CDK14: variants seen among roughly 807,000 people sequenced by gnomAD.
CDK14 encodes cyclin dependent kinase 14, also known as cyclin-dependent kinase 14.
A neutral mutation model predicts 60.7 loss-of-function variants in CDK14; 34 were observed. The ratio of observed to expected loss-of-function variants is 0.56; its 90% confidence interval spans 0.43 to 0.75. The LOEUF (loss-of-function observed/expected upper bound fraction) is 0.75, where lower values mean the gene tolerates loss of function less well. Among genes scored for constraint, CDK14 ranks in the 30% least tolerant of loss-of-function variants. The pLI, the probability that CDK14 is intolerant of heterozygous loss-of-function variation, is 0.00. For missense variants in CDK14, 482 were observed against 564.1 expected (o/e 0.85, Z 1.47); for synonymous variants, 197 against 203.7 (o/e 0.97, Z 0.28).
intron 5 of CDK14, among the ~76,000 whole-genome samples, chr7:90,859,338 A>T (rs1436443358): frequency 1.2e-4 from 18 of 152,224 alleles, no homozygotes; most frequent in Admixed American, 1.2e-3. Flanking sequence ...TAGCAGTAAC[A>T]ATAGTTCTGA....
At chr7:90,629,004 A>G (rs959638576) in intron 2 of CDK14, among the ~76,000 whole-genome samples, 3 of 152,110 alleles carry the variant, frequency 2.0e-5, no homozygotes, top group Non-Finnish European at 4.4e-5. Context: ...GCTGTCTTAT[A>G]CCAGCCTGCA....
chr7:90,769,498 A>T (rs1250871738), intron 4 of CDK14, among the ~76,000 whole-genome samples: 5 of 140,850 alleles, frequency 3.5e-5, no homozygotes. Context: ...CTGAGCCCTC[A>T]TTCTGTCACG....
At chr7:91,038,238 G>A (rs905007889) in intron 10 of CDK14, among the ~76,000 whole-genome samples, 8 of 152,194 alleles carry the variant, frequency 5.3e-5, no homozygotes, top group African/African-American at 1.9e-4. Context: ...AGTTTAACAT[G>A]ACTTTTTATT....
chr7:90,727,703 T>C (rs1049066395), intron 3 of CDK14, among the ~76,000 whole-genome samples: 2 of 152,134 alleles, frequency 1.3e-5, no homozygotes, highest in African/African-American at 4.8e-5. Context: ...TGCAACTATA[T>C]GACAAAACTG....
chr7:90,697,858 G>A (rs1473916673), intron 2 of CDK14, among the ~76,000 whole-genome samples: 3 of 151,916 alleles, frequency 2.0e-5, no homozygotes, highest in African/African-American at 7.3e-5. Context: ...CACGAGGTCA[G>A]GAGATCCAGA....
At chr7:90,977,921 C>A (rs541714388) in intron 9 of CDK14, among the ~76,000 whole-genome samples, 69 of 152,174 alleles carry the variant, frequency 4.5e-4, no homozygotes, top group Admixed American at 3.8e-3. Context: ...AGACACACCC[C>A]CAAAAGCCAA....
chr7:91,068,296 A>T (rs942801646), intron 11 of CDK14, among the ~76,000 whole-genome samples: 7 of 152,194 alleles, frequency 4.6e-5, no homozygotes, highest in Non-Finnish European at 8.8e-5. Context: ...GGATGTTTGT[A>T]ATCGGGGCTG....
intron 14 of CDK14, among the ~76,000 whole-genome samples, chr7:91,133,670 T>C (rs548538039): frequency 3.9e-5 from 6 of 152,248 alleles, no homozygotes; most frequent in Non-Finnish European, 7.4e-5. Flanking sequence ...GCTGTGTCCT[T>C]ACTTTAACAG....
chr7:91,052,693 A>C (rs1476586092), intron 11 of CDK14, among the ~76,000 whole-genome samples: 1 of 152,230 alleles, frequency 6.6e-6, no homozygotes, highest in Non-Finnish European at 1.5e-5. Context: ...GAAGCAATTA[A>C]AAGTGATGAA....
At chr7:91,146,667 A>C (rs978537614) in intron 14 of CDK14, among the ~76,000 whole-genome samples, 1 of 152,214 alleles carries the variant, frequency 6.6e-6, no homozygotes. Flanking sequence ...AGTTAAAATC[A>C]GATCCAGTTA....
chr7:90,605,612 G>T (rs552838399), intron 2 of CDK14, among the ~76,000 whole-genome samples: 1 of 152,166 alleles, frequency 6.6e-6, no homozygotes, highest in Admixed American at 6.5e-5. Flanking sequence ...TGTAAAGAAA[G>T]TTTCCCCTCT....
At position 90,877,620 on chromosome 7, in the gene CDK14, A is replaced by G. The variant is rs1002846981; in HGVS notation, c.639+14351A>G. On this transcript the variant is annotated intron_variant, in intron 6 of 14. Coordinates refer to ENST00000380050, the MANE Select transcript of CDK14 (RefSeq NM_001287135.2). ...CCCCTTCTATTTTATTACCCTTTTT[A>G]CTTGGATAAGGAAGTTAGAACCAGT... Among the ~76,000 whole-genome samples the G allele has an allele frequency of 3.5e-4, 53 of 152,044 alleles. 2 individuals carry two copies. The highest frequency in any genetic ancestry group is 8.8e-5 in the Non-Finnish European group (6 of 68,018).
chr7:90,619,575 T>C (rs1799725236), intron 2 of CDK14, among the ~76,000 whole-genome samples: 1 of 152,246 alleles, frequency 6.6e-6, no homozygotes, highest in South Asian at 2.1e-4. Context: ...AAATATTTAA[T>C]AACCAAGGTC....
chr7:91,038,702 C>G (rs1353339339), intron 10 of CDK14, among the ~76,000 whole-genome samples: 1 of 152,194 alleles, frequency 6.6e-6, no homozygotes, highest in Non-Finnish European at 1.5e-5. Flanking sequence ...TCCCACAATT[C>G]CCACGTGTCA....
intron 11 of CDK14, among the ~76,000 whole-genome samples, chr7:91,056,298 G>A (rs1174579825): frequency 6.6e-6 from 1 of 151,882 alleles, no homozygotes; most frequent in Non-Finnish European, 1.5e-5. Flanking sequence ...GTTGACCCAA[G>A]GGTAGGATGA....
intron 12 of CDK14, among the ~76,000 whole-genome samples, chr7:91,087,187 T>A (rs697394): frequency 0.72 from 109,847 of 152,092 alleles, 40,329 homozygotes; most frequent in East Asian, 0.92. Flanking sequence ...TATCCCTCTC[T>A]TCATTTGGGG....
intron 8 of CDK14, among the ~76,000 whole-genome samples, chr7:90,936,524 C>CT (rs1235036143): frequency 6.6e-6 from 1 of 152,086 alleles, no homozygotes; most frequent in African/African-American, 2.4e-5. Context: ...CTTTTTATCT[C>CT]TTTTTTCCTT....
intron 6 of CDK14, among the ~76,000 whole-genome samples, 179 bp from the exon 7 acceptor site, chr7:90,899,111 AT>A (rs1258842888): frequency 6.6e-6 from 1 of 151,908 alleles, no homozygotes; most frequent in Non-Finnish European, 1.5e-5. Flanking sequence ...AAAAATAATG[AT>A]TCAATTGTGT....
At chr7:91,069,473 C>T (rs1798074654) in intron 11 of CDK14, among the ~76,000 whole-genome samples, 1 of 152,010 alleles carries the variant, frequency 6.6e-6, no homozygotes, top group African/African-American at 2.4e-5. Flanking sequence ...CCCAAGAATT[C>T]AAGGCTACAG....
Sources: gnomAD v4.1 joint callset for allele counts (sites outside exome capture counted in the v4.1 genomes callset) on GRCh38, gnomAD v4.1.1 for gene constraint, MANE v1.5 for transcripts, NCBI Gene and HGNC (gene_info 2026-07-23, HGNC 2026-07-21) for gene names.